The following HERC1 variants were observed in gnomAD, a reference collection of about 807,000 sequenced individuals.
HERC1 encodes probable E3 ubiquitin-protein ligase HERC1.
Under a neutral mutation model 554.3 loss-of-function variants are expected in HERC1, and 160 were observed. The observed-to-expected ratio is 0.29, with a 90% confidence interval of 0.25 to 0.33. HERC1 has a LOEUF of 0.33. HERC1 is among the 10% of genes least tolerant of loss of function. The pLI, the probability that HERC1 is intolerant of heterozygous loss-of-function variation, is 1.00. For missense variants in HERC1, 4,919 were observed against 5,918.5 expected, an observed-to-expected ratio of 0.83 and a Z score of 5.54; for synonymous variants, 2,175 against 2,131.7, an observed-to-expected ratio of 1.02 and a Z score of -0.56.
chr15:63,791,942 A>C (rs140265304), intron 1 of HERC1, among the ~76,000 whole-genome samples: 3 of 152,362 alleles, frequency 2.0e-5, no homozygotes, highest in Non-Finnish European at 4.4e-5. Context: ...GATTTAATCA[A>C]CTGCTTTCCA....
chr15:63,830,524 C>CA (rs549595623), intron 1 of HERC1, among the ~76,000 whole-genome samples: 30 of 148,798 alleles, frequency 2.0e-4, no homozygotes, highest in African/African-American at 4.4e-4. Flanking sequence ...GACCCTAGAA[C>CA]AAAAAAAAAG....
At chr15:63,647,863 C>A (rs1192056449) in intron 55 of HERC1, among the ~76,000 whole-genome samples, 3 of 152,120 alleles carry the variant, frequency 2.0e-5, no homozygotes, top group African/African-American at 7.2e-5. Context: ...ACACACGGGC[C>A]TAGAGTGTGG....
At chr15:63,703,047 T>C (rs1203597910) in intron 25 of HERC1, among the ~76,000 whole-genome samples, 2 of 150,072 alleles carry the variant, frequency 1.3e-5, no homozygotes, top group Admixed American at 6.6e-5. Flanking sequence ...GAGGAGGAGG[T>C]TGCAGTAAGC....
chr15:63,643,660 G>A, intron 57 of HERC1, 110 bp from the exon 58 acceptor site: 4 of 753,312 alleles, frequency 5.3e-6, no homozygotes, highest in Non-Finnish European at 8.1e-6. Context: ...TTGGCAAGGG[G>A]GAGAGATAAT....
chr15:63,795,728 G>A (rs573143020), intron 1 of HERC1, among the ~76,000 whole-genome samples: 29 of 152,304 alleles, frequency 1.9e-4, no homozygotes, highest in African/African-American at 2.4e-4. Context: ...AGAGTACACC[G>A]AACAAAAGAG....
rs770974489 is a variant in HERC1, at chr15:63,641,529, T to C, written c.11548A>G (p.Met3850Val). The change falls in exon 60 of 78, where the codon ATG becomes GTG. Residue 3850 changes from methionine to valine, a missense_variant. This residue lies in a region of HERC1 where 1,963 missense variants were observed against 2,228.6 expected (regional missense o/e 0.88). Coordinates refer to ENST00000443617, the MANE Select transcript of HERC1 (RefSeq NM_003922.4). ...GVLGLNMAPC[M>V]RAFLERLPMM... is the part of the protein sequence containing the mutation. ...GGGAGCCGCTCCAAAAATGCTCTCA[T>C]GCAGGGAGCCATGTTCAATCCCAGA... 1.2e-6 allele frequency: 2 copies of C among 1,613,480 alleles called. No homozygotes were observed. Among genetic ancestry groups the C allele is most frequent in the Non-Finnish European group, 1.7e-6 (2 of 1,179,652 alleles).
At chr15:63,616,021 T>C in intron 75 of HERC1, 101 bp from the exon 76 acceptor site, 1 of 1,029,348 alleles carries the variant, frequency 9.7e-7, no homozygotes. Context: ...CTCACAATTT[T>C]TAAGGATAAA....
Position 63,692,869 on chromosome 15 carries a change from T to C in HERC1, c.5675-303A>G, listed in dbSNP as rs1567020107. 6.6e-6 allele frequency among the ~76,000 whole-genome samples: 1 copy of C among 152,120 alleles called. No homozygotes were observed. Among genetic ancestry groups the C allele is most frequent in the Non-Finnish European group, 1.5e-5 (1 of 68,028 alleles). Reference sequence around the variant, plus strand: ...ACAGTCTAGGAAGAAGTCGAGCTCCTCCTAATTATAATCCAGTTCCCAAAT... The same window carrying C: ...ACAGTCTAGGAAGAAGTCGAGCTCCCCCTAATTATAATCCAGTTCCCAAAT... On this transcript the variant is annotated intron_variant, in intron 30 of 77. Transcript: ENST00000443617. The surrounding 1 kb of genome is among the most constrained non-coding windows in gnomAD (Gnocchi z 4.7).
At chr15:63,764,421 T>A (rs991723409) in intron 2 of HERC1, among the ~76,000 whole-genome samples, 3 of 152,156 alleles carry the variant, frequency 2.0e-5, no homozygotes, top group Admixed American at 1.3e-4. Context: ...CCCTCACTGA[T>A]TACCTGATTA....
At position 63,609,264 on chromosome 15, in the gene HERC1, A is replaced by T. The variant is rs2067486057; in HGVS notation, c.14403T>A (p.Pro4801=). 1.2e-6 allele frequency: 2 copies of T among 1,606,504 alleles called. No homozygotes were observed. The highest frequency in any genetic ancestry group is 1.3e-5 in the African/African-American group (1 of 74,916). The change falls in exon 78 of 78, where the codon CCT becomes CCA. Residue 4801 remains proline, a splice_region_variant and synonymous_variant. Coordinates refer to ENST00000443617, the MANE Select transcript of HERC1 (RefSeq NM_003922.4). ...QRFQIMKVDR[P]YDSLPTSQTC... ...TCTGTGAGGTAGGCAGACTGTCGTA[A>T]GGCTGTGGAGAGAGACCCAGAGCCG...
At position 63,718,722 on chromosome 15, in the gene HERC1, T is replaced by C. The variant is rs753149845; in HGVS notation, c.3858-28A>G. The C allele has an allele frequency of 2.5e-6, 4 of 1,601,284 alleles. No individual in the cohort carries two copies. The South Asian group carries it at 4.4e-5, about 18-fold the overall frequency. ...AAATGAAGAACCAAAATAGAAAAGT[T>C]ACCTAATTTCTGACATCATGAGAGC... is the stretch of plus-strand genomic sequence containing the variant. On this transcript the variant is annotated intron_variant, in intron 20 of 77. Coordinates refer to ENST00000443617, the MANE Select transcript of HERC1 (RefSeq NM_003922.4). This position sits in a 1 kb window ranked among gnomAD's most constrained non-coding sequence, Gnocchi z 4.2.
At position 63,666,066 on chromosome 15, in the gene HERC1, T is replaced by A; in HGVS notation, c.8408A>T (p.Glu2803Val). 6.2e-7 allele frequency: 1 copy of A among 1,614,024 alleles called. No homozygotes were observed. Residue 2803 changes from glutamate to valine, a missense_variant, in exon 42 of 78, where the codon GAG becomes GTG. By Grantham distance (121) the Glu-to-Val change is moderately radical. Around this residue, in one of 11 missense-constraint regions of HERC1, gnomAD observed 1,963 missense variants for 2,228.6 expected, o/e 0.88. Coordinates refer to ENST00000443617, the MANE Select transcript of HERC1 (RefSeq NM_003922.4). ...GTCTGCTGTGCTGCCCGACTGGGGCTCCTCTTCATCCTCATGCCCAGGGTG... is the reference window on the plus strand; with the variant it reads ...GTCTGCTGTGCTGCCCGACTGGGGCACCTCTTCATCCTCATGCCCAGGGTG... ...IEHPGHEDEEEPQSGSTADSR... is the reference protein window; with the variant it reads ...IEHPGHEDEEVPQSGSTADSR...
intron 25 of HERC1, among the ~76,000 whole-genome samples, chr15:63,705,377 GA>G (rs1246290233): frequency 6.6e-6 from 1 of 151,328 alleles, no homozygotes; most frequent in East Asian, 1.9e-4. Context: ...CTAGCCTTCC[GA>G]AGTGCTGGGA....
intron 16 of HERC1, among the ~76,000 whole-genome samples, chr15:63,728,049 C>T (rs1367068573): frequency 2.6e-5 from 4 of 152,144 alleles, no homozygotes; most frequent in Non-Finnish European, 5.9e-5. Flanking sequence ...CATATGTATT[C>T]TCCGTACCAA....
chr15:63,690,715 G>A (rs2072056110), intron 31 of HERC1, 68 bp from the exon 32 acceptor site: 1 of 999,412 alleles, frequency 1.0e-6, no homozygotes. Flanking sequence ...GAACTTCTGG[G>A]AAAAAAATTC....
In HERC1 at chr15:63,612,179, C is replaced by CAAACAG; in HGVS notation, c.14400+71_14400+72insCTGTTT. ...CTCCAGCCTGGGCCACAGAGTGAGA[C>CAAACAG]CCTGTCTCAACAAAAACAACAATGA... is the stretch of plus-strand genomic sequence containing the variant. On this transcript the variant is annotated intron_variant, in intron 77 of 77. Transcript: ENST00000443617. The surrounding 1 kb of genome is among the most constrained non-coding windows in gnomAD (Gnocchi z 5.0). 1 of 1,369,234 alleles carries CAAACAG rather than the reference C, an allele frequency of 7.3e-7. No individual in the cohort carries two copies. Among genetic ancestry groups the CAAACAG allele is most frequent in the Non-Finnish European group, 1.0e-6 (1 of 1,004,330 alleles). 84.8% of individuals were successfully genotyped at this position (1,369,234 alleles called of 1,614,324 possible). A position where few individuals can be genotyped will look rare whatever the true frequency, so the allele number is the denominator to read the frequency against.
At chr15:63,659,416 A>C (rs891924864) in intron 47 of HERC1, among the ~76,000 whole-genome samples, 5 of 151,940 alleles carry the variant, frequency 3.3e-5, no homozygotes, top group African/African-American at 1.2e-4. Context: ...CCACCCAGCT[A>C]CTTTTCTTCA....
intron 1 of HERC1, among the ~76,000 whole-genome samples, chr15:63,813,468 C>G (rs564090680): frequency 6.6e-6 from 1 of 151,550 alleles, no homozygotes; most frequent in Non-Finnish European, 1.5e-5. Context: ...TAGGATAGTG[C>G]GAAAGGGTTT....
chr15:63,813,475 G>A (rs1394517997), intron 1 of HERC1, among the ~76,000 whole-genome samples: 1 of 150,832 alleles, frequency 6.6e-6, no homozygotes, highest in South Asian at 2.1e-4. Context: ...GTGCGAAAGG[G>A]TTTTTTTTTA....
Sources: allele counts gnomAD v4.1 joint callset (sites outside exome capture counted in the v4.1 genomes callset), GRCh38; gene constraint gnomAD v4.1.1; regional missense constraint gnomAD v4.1.1; non-coding constraint Gnocchi (gnomAD v3.1); transcripts MANE v1.5; gene names NCBI Gene and HGNC (gene_info 2026-07-23, HGNC 2026-07-21).